The following AKAP6 variants were observed in gnomAD, a reference collection of about 807,000 sequenced individuals.
AKAP6 encodes A-kinase anchoring protein 6.
In AKAP6, 58 loss-of-function variants were observed where a neutral mutation model predicts 188.5. The ratio of observed to expected loss-of-function variants is 0.31; its 90% confidence interval spans 0.25 to 0.38. The LOEUF is 0.38. Among genes scored for constraint, AKAP6 ranks in the 10% least tolerant of loss-of-function variants. AKAP6 has a pLI of 1.00. For missense variants in AKAP6, 2,710 were observed against 2,740.0 expected (o/e 0.99, Z 0.24); for synonymous variants, 989 against 998.6 (o/e 0.99, Z 0.18).
Position 32,458,333 on chromosome 14 carries a change from G to C in AKAP6, c.324+24516G>C, listed in dbSNP as rs548862602. ...AGAAGCTTTTAACTTCTGGTATGTT[G>C]TTTTTTTCTTCAGTAAAGTAAGGAT... On this transcript the variant is annotated intron_variant, in intron 2 of 13. Coordinates refer to ENST00000280979, the MANE Select transcript of AKAP6 (RefSeq NM_004274.5). Among the ~76,000 whole-genome samples the C allele has an allele frequency of 1.2e-3, 190 of 152,048 alleles. 1 individual carries two copies. Among genetic ancestry groups the C allele is most frequent in the African/African-American group, 4.3e-3 (180 of 41,492 alleles).
At chr14:32,772,326 A>T (rs1220563318) in intron 11 of AKAP6, among the ~76,000 whole-genome samples, 2 of 152,224 alleles carry the variant, frequency 1.3e-5, no homozygotes. Flanking sequence ...GAACTCTAGG[A>T]AAATAAATAA....
chr14:32,820,461 T>C (rs1348261339), intron 12 of AKAP6, among the ~76,000 whole-genome samples: 1 of 151,846 alleles, frequency 6.6e-6, no homozygotes, highest in Non-Finnish European at 1.5e-5. Flanking sequence ...ACATCAAGGG[T>C]CCCAAGTGGG....
chr14:32,398,335 A>G (rs1888946441), intron 1 of AKAP6, among the ~76,000 whole-genome samples: 1 of 152,170 alleles, frequency 6.6e-6, no homozygotes, highest in South Asian at 2.1e-4. Flanking sequence ...GCCTCTGTTT[A>G]AACCAGGTGT....
intron 2 of AKAP6, among the ~76,000 whole-genome samples, chr14:32,499,347 A>AAG: frequency 6.9e-6 from 1 of 144,886 alleles, no homozygotes; most frequent in South Asian, 2.2e-4. Context: ...AAAAAAAAAA[A>AAG]GAGAGAAAGA....
At chr14:32,775,539 C>A (rs1245010708) in intron 12 of AKAP6, among the ~76,000 whole-genome samples, 2 of 151,428 alleles carry the variant, frequency 1.3e-5, no homozygotes, top group African/African-American at 4.9e-5. Flanking sequence ...CTCAAGTGAT[C>A]CCCCCACCTC....
intron 11 of AKAP6, among the ~76,000 whole-genome samples, chr14:32,773,444 C>T (rs188947119): frequency 9.1e-4 from 138 of 152,208 alleles, no homozygotes; most frequent in African/African-American, 3.1e-3. Context: ...CCCTACATTT[C>T]GGAGGGATAA....
At chr14:32,639,769 A>G (rs1169588304) in intron 7 of AKAP6, among the ~76,000 whole-genome samples, 1 of 152,178 alleles carries the variant, frequency 6.6e-6, no homozygotes, top group Non-Finnish European at 1.5e-5. Flanking sequence ...CTAAACAATG[A>G]TTAGACATTA....
rs1449643538 is a variant in AKAP6 at position 32,786,307 on chromosome 14, T to G, written c.3588+12414T>G. On this transcript the variant is annotated intron_variant, in intron 12 of 13. Coordinates refer to ENST00000280979, the MANE Select transcript of AKAP6 (RefSeq NM_004274.5). Reference sequence around the variant, plus strand: ...AGACCTAAACCTTTATCTTTTTTTTTTTTTTTTTTTTTTTTTTTGAGACGG... The same window carrying G: ...AGACCTAAACCTTTATCTTTTTTTTGTTTTTTTTTTTTTTTTTTGAGACGG... Among the ~76,000 whole-genome samples, 15 of 91,898 alleles carry G rather than the reference T, an allele frequency of 1.6e-4. 2 individuals carry two copies. Among genetic ancestry groups the G allele is most frequent in the South Asian group, 4.2e-4 (1 of 2,382 alleles). 60.3% of individuals were successfully genotyped at this position (91,898 alleles called of 152,430 possible).
At chr14:32,604,481 G>A (rs1212998313) in intron 7 of AKAP6, among the ~76,000 whole-genome samples, 7 of 152,100 alleles carry the variant, frequency 4.6e-5, no homozygotes, top group Admixed American at 2.6e-4. Context: ...AAGAAACTAT[G>A]AAAAAATCAG....
chr14:32,822,605 A>G lies in AKAP6; in HGVS notation c.4792A>G (p.Ser1598Gly). The change falls in exon 13 of 14, where the codon AGT (serine) becomes GGT (glycine). Residue 1598 changes from serine to glycine, a missense_variant. Ser to Gly is a moderately conservative substitution (Grantham distance 56, BLOSUM62 0). This residue lies in a region of AKAP6 where 2,473 missense variants were observed against 2,426.1 expected (regional missense o/e 1.02). Transcript: ENST00000280979. Reference sequence around the variant, plus strand: ...CCTCCAGCGAAGCACTTCTTTAGAAAGTTGGTTGACTTCCTATAAAAGCAA... The same window carrying G: ...CCTCCAGCGAAGCACTTCTTTAGAAGGTTGGTTGACTTCCTATAAAAGCAA... ...DSLQRSTSLE[S>G]WLTSYKSNED... is the part of the protein sequence containing the mutation. 6.2e-7 allele frequency: 1 copy of G among 1,614,002 alleles called. No individual in the cohort carries two copies. Among genetic ancestry groups the G allele is most frequent in the Non-Finnish European group, 8.5e-7 (1 of 1,179,952 alleles).
chr14:32,448,769 A>G (rs753364705), intron 2 of AKAP6, among the ~76,000 whole-genome samples: 7 of 152,222 alleles, frequency 4.6e-5, no homozygotes, highest in Non-Finnish European at 7.3e-5. Flanking sequence ...GTAGTATACT[A>G]TATCATATTG....
intron 1 of AKAP6, chr14:32,385,263 G>T (rs1357093538): frequency 1.3e-5 from 2 of 152,122 alleles, no homozygotes; most frequent in East Asian, 3.9e-4. Context: ...TGAAGCCCCA[G>T]AATTCAGGTC....
chr14:32,701,777 T>C (rs1890629742), intron 9 of AKAP6, among the ~76,000 whole-genome samples: 1 of 152,166 alleles, frequency 6.6e-6, no homozygotes, highest in African/African-American at 2.4e-5. Flanking sequence ...CTGGACCAAA[T>C]TGATCTAACT....
chr14:32,346,557 G>T (rs574998065), intron 1 of AKAP6, among the ~76,000 whole-genome samples: 4 of 152,266 alleles, frequency 2.6e-5, no homozygotes, highest in African/African-American at 9.6e-5. Context: ...CACCCAGGCC[G>T]AACTGCGGTG....
At position 32,823,042 on chromosome 14, in the gene AKAP6, C is replaced by G. The variant is rs897796787; in HGVS notation, c.5229C>G (p.Thr1743=). Residue 1743 remains threonine (T), a synonymous_variant, in exon 13 of 14, where the codon ACC becomes ACG. Coordinates refer to ENST00000280979, the MANE Select transcript of AKAP6 (RefSeq NM_004274.5). ...NVSMIVNVSC[T]SACTDDEDDS... is the part of the protein sequence containing the mutation. ...GCATGATTGTTAATGTCTCTTGCAC[C>G]TCTGCTTGCACTGATGATGAAGATG... 1.9e-6 allele frequency: 3 copies of G among 1,613,806 alleles called. No homozygotes were observed. The highest frequency in any genetic ancestry group is 2.5e-6 in the Non-Finnish European group (3 of 1,179,892).
At chr14:32,571,502 C>T (rs1454998062) in intron 4 of AKAP6, among the ~76,000 whole-genome samples, 1 of 151,992 alleles carries the variant, frequency 6.6e-6, no homozygotes, top group East Asian at 1.9e-4. Flanking sequence ...TGCACTCTAG[C>T]CTTATCTCTA....
At chr14:32,750,688 G>C (rs1158341998) in intron 11 of AKAP6, among the ~76,000 whole-genome samples, 2 of 151,692 alleles carry the variant, frequency 1.3e-5, no homozygotes, top group Non-Finnish European at 2.9e-5. Flanking sequence ...CTACAATTGT[G>C]CACTGTAGCC....
chr14:32,662,578 T>C (rs934073168), intron 7 of AKAP6, among the ~76,000 whole-genome samples: 5 of 152,242 alleles, frequency 3.3e-5, no homozygotes, highest in South Asian at 2.1e-4. Context: ...AGAGGCTTGT[T>C]TGGATTCAGA....
At chr14:32,700,540 C>T (rs898760432) in intron 9 of AKAP6, among the ~76,000 whole-genome samples, 1 of 152,312 alleles carries the variant, frequency 6.6e-6, no homozygotes, top group East Asian at 1.9e-4. Flanking sequence ...TGAAGGACTA[C>T]ATATGCAATG....
Sources: allele counts gnomAD v4.1 joint callset (sites outside exome capture counted in the v4.1 genomes callset), GRCh38; gene constraint gnomAD v4.1.1; regional missense constraint gnomAD v4.1.1; transcripts MANE v1.5; gene names NCBI Gene and HGNC (gene_info 2026-07-23, HGNC 2026-07-21).